Variants in CEP128 observed in about 807,000 individuals in gnomAD.
The protein encoded by CEP128 is centrosomal protein 128, also known as centrosomal protein 128kDa.
A neutral mutation model predicts 156.7 loss-of-function variants in CEP128; 132 were observed. The observed-to-expected ratio is 0.84, with a 90% CI of 0.73 to 0.97. The LOEUF is 0.97. Ranked by LOEUF, CEP128 falls within the 50% of genes least tolerant of loss-of-function variation. CEP128 has a pLI of 0.00. For synonymous variants in CEP128, 469 were observed against 448.9 expected (o/e 1.04, Z -0.57); for missense variants, 1,252 against 1,281.9 (o/e 0.98, Z 0.36).
At chr14:80,858,483 T>C (rs1416114446) in intron 9 of CEP128, among the ~76,000 whole-genome samples, 1 of 113,172 alleles carries the variant, frequency 8.8e-6, no homozygotes, top group African/African-American at 3.6e-5. Flanking sequence ...GACATAGGCA[T>C]GGGCAAGGAC....
chr14:80,633,973 G>A (rs1175422022), intron 19 of CEP128, among the ~76,000 whole-genome samples: 1 of 152,122 alleles, frequency 6.6e-6, no homozygotes, highest in East Asian at 1.9e-4. Context: ...GCCTAAGGTA[G>A]GAAGTACCTA....
chr14:80,922,917 G>C (rs531624242), intron 2 of CEP128, among the ~76,000 whole-genome samples: 14 of 152,312 alleles, frequency 9.2e-5, no homozygotes, highest in Admixed American at 1.3e-4. Context: ...TGGAGAAAAA[G>C]CAGTGAACAC....
intron 21 of CEP128, among the ~76,000 whole-genome samples, chr14:80,536,744 A>G (rs532782550): frequency 6.6e-6 from 1 of 152,338 alleles, no homozygotes; most frequent in South Asian, 2.1e-4. Flanking sequence ...AGCAGAGAAT[A>G]GGCCACCGAA....
chr14:80,638,469 C>T (rs1252611986), intron 19 of CEP128, among the ~76,000 whole-genome samples: 3 of 152,122 alleles, frequency 2.0e-5, no homozygotes, highest in Admixed American at 2.0e-4. Context: ...TGCTCTTCCC[C>T]CGATGTGCGT....
intron 19 of CEP128, among the ~76,000 whole-genome samples, chr14:80,617,015 T>C (rs1002425211): frequency 1.3e-5 from 2 of 151,938 alleles, no homozygotes; most frequent in Admixed American, 6.6e-5. Flanking sequence ...AATCACTCAG[T>C]CCTCTAAAGA....
intron 19 of CEP128, among the ~76,000 whole-genome samples, chr14:80,645,315 A>G (rs1894588162): frequency 6.6e-6 from 1 of 152,118 alleles, no homozygotes; most frequent in Non-Finnish European, 1.5e-5. Flanking sequence ...ATTTGATGGA[A>G]ATGTATTAAG....
At chr14:80,540,216 C>A (rs1889690897) in intron 21 of CEP128, among the ~76,000 whole-genome samples, 3 of 133,546 alleles carry the variant, frequency 2.2e-5, no homozygotes, top group Non-Finnish European at 3.2e-5. Context: ...CCTTTTGAAA[C>A]CCTTAATAAA....
At chr14:80,799,203 A>T (rs1883677354) in intron 13 of CEP128, among the ~76,000 whole-genome samples, 1 of 152,202 alleles carries the variant, frequency 6.6e-6, no homozygotes, top group African/African-American at 2.4e-5. Flanking sequence ...AGGGACCCCA[A>T]ACGGAGGGAC....
At chr14:80,575,065 T>C (rs1256993575) in intron 20 of CEP128, among the ~76,000 whole-genome samples, 2 of 150,210 alleles carry the variant, frequency 1.3e-5, no homozygotes, top group African/African-American at 2.4e-5. Flanking sequence ...TTCAAGATTG[T>C]ACATATTTTT....
At chr14:80,677,190 C>A (rs905494496) in intron 19 of CEP128, among the ~76,000 whole-genome samples, 11 of 152,136 alleles carry the variant, frequency 7.2e-5, no homozygotes, top group African/African-American at 2.7e-4. Flanking sequence ...TCTTCATAAC[C>A]TGTGTCTTAT....
At chr14:80,568,509 ATTCT>A (rs1028185455) in intron 20 of CEP128, among the ~76,000 whole-genome samples, 33 of 152,272 alleles carry the variant, frequency 2.2e-4, no homozygotes, top group African/African-American at 5.8e-4. Context: ...TCACTCTCAT[ATTCT>A]TTCTGTGTGC....
rs904885493 is a variant in CEP128, at chr14:80,776,522, A to C, written c.2376+1360T>G. Among the ~76,000 whole-genome samples the C allele has an allele frequency of 8.1e-5, 12 of 147,828 alleles. No individual in the cohort carries two copies. The Admixed American group carries it at 8.1e-4, about 10-fold the overall frequency. Reference sequence around the variant, plus strand: ...TTATATGTAATTTTTTTACTACTCTATATATTAATATATATTAATTATATA... The same window carrying C: ...TTATATGTAATTTTTTTACTACTCTCTATATTAATATATATTAATTATATA... On this transcript the variant is annotated intron_variant, in intron 16 of 24. Coordinates refer to ENST00000555265, the MANE Select transcript of CEP128 (RefSeq NM_152446.5).
At chr14:80,918,161 G>A (rs1256385946) in intron 2 of CEP128, among the ~76,000 whole-genome samples, 2 of 152,170 alleles carry the variant, frequency 1.3e-5, no homozygotes, top group Non-Finnish European at 1.5e-5. Flanking sequence ...CAATTGTTTG[G>A]CTTTGTTTTT....
rs1888341785 is a variant in CEP128 at position 80,877,559 on chromosome 14, A to G, written c.646-14686T>C. Among the ~76,000 whole-genome samples the G allele has an allele frequency of 2.6e-5, 4 of 152,210 alleles. No homozygotes were observed. In the South Asian group the frequency reaches 8.3e-4, roughly 32 times the overall value. On this transcript the variant is annotated intron_variant, in intron 8 of 24. Coordinates refer to ENST00000555265, the MANE Select transcript of CEP128 (RefSeq NM_152446.5). ...GAAAAGGCACACACACAAAAAACAC[A>G]TTTTGAACCAAAATAACTACAGGAG...
At chr14:80,798,992 TTTGTATAGAAAC>T (rs1230925167) in intron 13 of CEP128, among the ~76,000 whole-genome samples, 2 of 152,214 alleles carry the variant, frequency 1.3e-5, no homozygotes, top group Admixed American at 1.3e-4. Context: ...ATTTATGTGC[TTTGTATAGAAAC>T]TTGTAAGGGT....
intron 19 of CEP128, among the ~76,000 whole-genome samples, chr14:80,591,620 A>T (rs1314067137): frequency 1.3e-5 from 2 of 152,172 alleles, no homozygotes; most frequent in East Asian, 3.8e-4. Flanking sequence ...TAACAAGGAT[A>T]TTCAGGACTT....
intron 19 of CEP128, among the ~76,000 whole-genome samples, chr14:80,684,447 G>A (rs1595213215): frequency 6.6e-6 from 1 of 151,964 alleles, no homozygotes; most frequent in Admixed American, 6.6e-5. Context: ...AACTGAATCA[G>A]TAATGAAAAA....
intron 21 of CEP128, among the ~76,000 whole-genome samples, chr14:80,531,260 A>T (rs993310490): frequency 6.6e-6 from 1 of 152,226 alleles, no homozygotes; most frequent in Non-Finnish European, 1.5e-5. Context: ...GAAACAGATG[A>T]ATCTGCAGTT....
At chr14:80,550,912 A>C (rs1367990472) in intron 21 of CEP128, among the ~76,000 whole-genome samples, 1 of 151,752 alleles carries the variant, frequency 6.6e-6, no homozygotes, top group Non-Finnish European at 1.5e-5. Flanking sequence ...TCACATAATC[A>C]TAGCTAAATG....
Sources: gnomAD v4.1 joint callset for allele counts (sites outside exome capture counted in the v4.1 genomes callset) on GRCh38, gnomAD v4.1.1 for gene constraint, MANE v1.5 for transcripts, NCBI Gene and HGNC (gene_info 2026-07-23, HGNC 2026-07-21) for gene names.